Variants in SLC35F3 observed in about 807,000 individuals in gnomAD.
SLC35F3 encodes the protein putative thiamine transporter SLC35F3.
A neutral mutation model predicts 49.9 loss-of-function variants in SLC35F3; 25 were observed. That is an observed-to-expected ratio of 0.50 (90% confidence interval 0.37 to 0.70). The LOEUF is 0.70. Among genes scored for constraint, SLC35F3 ranks in the 30% least tolerant of loss-of-function variants. The pLI is 0.00. For missense variants in SLC35F3, 525 were observed against 639.8 expected, an observed-to-expected ratio of 0.82 and a Z score of 1.94; for synonymous variants, 275 against 265.4, an observed-to-expected ratio of 1.04 and a Z score of -0.35.
intron 2 of SLC35F3, among the ~76,000 whole-genome samples, chr1:234,173,662 G>A (rs1256710983): frequency 2.6e-5 from 4 of 152,208 alleles, no homozygotes; most frequent in African/African-American, 7.2e-5. Flanking sequence ...ATGTGGATTC[G>A]AATGCAAAAT....
chr1:234,058,328 ATT>A (rs56960667), intron 2 of SLC35F3, among the ~76,000 whole-genome samples: 26 of 39,782 alleles, frequency 6.5e-4, no homozygotes, highest in Non-Finnish European at 8.7e-4. Flanking sequence ...ATGTTCCTGA[ATT>A]TTTTTTTTTT....
At chr1:234,272,983 T>G (rs575439280) in intron 3 of SLC35F3, among the ~76,000 whole-genome samples, 87 of 152,346 alleles carry the variant, frequency 5.7e-4, no homozygotes, top group Non-Finnish European at 1.2e-4. Flanking sequence ...CTAATGAGGC[T>G]ACATGAACTG....
intron 2 of SLC35F3, among the ~76,000 whole-genome samples, chr1:234,103,529 A>G (rs947530505): frequency 7.9e-5 from 12 of 152,140 alleles, no homozygotes; most frequent in African/African-American, 2.2e-4. Flanking sequence ...GGCCACAGGT[A>G]TGGTACCACA....
chr1:234,166,372 C>T (rs1041432962), intron 2 of SLC35F3, among the ~76,000 whole-genome samples: 2 of 152,150 alleles, frequency 1.3e-5, no homozygotes, highest in African/African-American at 4.8e-5. Flanking sequence ...TGGTGTTGTA[C>T]GTTCTGTGAG....
At chr1:234,310,525 A>G (rs1657326740) in intron 4 of SLC35F3, among the ~76,000 whole-genome samples, 1 of 152,274 alleles carries the variant, frequency 6.6e-6, no homozygotes, top group South Asian at 2.1e-4. Context: ...AGCTTTCAGC[A>G]AATAAATGAT....
chr1:233,946,800 A>G (rs977367662), intron 2 of SLC35F3, among the ~76,000 whole-genome samples: 17 of 152,370 alleles, frequency 1.1e-4, no homozygotes, highest in Admixed American at 3.3e-4. Context: ...TAAATGGTGA[A>G]GATGACTGAG....
chr1:233,936,521 TC>T, intron 2 of SLC35F3, among the ~76,000 whole-genome samples: 3 of 147,088 alleles, frequency 2.0e-5, no homozygotes, highest in South Asian at 4.2e-4. Context: ...CTTGTTCTCC[TC>T]CTCCTCCTCC....
At position 234,112,384 on chromosome 1, in the gene SLC35F3, C is replaced by T. The variant is rs144054781; in HGVS notation, c.284-119033C>T. ...AAACAAAAAAATCTGTGCTTAGACA[C>T]ATACTTTCCCTATAACAATGCACAG... On this transcript the variant is annotated intron_variant, in intron 2 of 7. Coordinates refer to ENST00000366618, the MANE Select transcript of SLC35F3 (RefSeq NM_173508.4). Among the ~76,000 whole-genome samples the T allele has an allele frequency of 7.2e-5, 11 of 152,134 alleles. No homozygotes were observed. The East Asian group carries it at 1.6e-3, about 22-fold the overall frequency.
At chr1:233,905,249 G>T in intron 1 of SLC35F3, 119 bp downstream of exon 1, 1 of 1,103,716 alleles carries the variant, frequency 9.1e-7, no homozygotes, top group Non-Finnish European at 1.3e-6. Context: ...CGGCGCGCGC[G>T]GTGGAGCTGC....
intron 2 of SLC35F3, among the ~76,000 whole-genome samples, chr1:234,055,578 G>A (rs1299673271): frequency 6.6e-6 from 1 of 152,168 alleles, no homozygotes; most frequent in Admixed American, 6.5e-5. Context: ...GGCTAGGAAA[G>A]GGAATTCCTC....
intron 3 of SLC35F3, among the ~76,000 whole-genome samples, chr1:234,257,297 T>TA (rs1478816717): frequency 6.6e-6 from 1 of 152,220 alleles, no homozygotes; most frequent in African/African-American, 2.4e-5. Context: ...CATTCTCTTT[T>TA]AAACCCTCTT....
chr1:233,990,665 G>T (rs4364939), intron 2 of SLC35F3, among the ~76,000 whole-genome samples: 36,566 of 152,016 alleles, frequency 0.24, 4,836 homozygotes, highest in East Asian at 0.49. Context: ...ATGGATATGT[G>T]AATTGACTTG....
chr1:233,918,075 G>C (rs1020738883), intron 2 of SLC35F3, among the ~76,000 whole-genome samples: 1 of 152,204 alleles, frequency 6.6e-6, no homozygotes, highest in Non-Finnish European at 1.5e-5. Context: ...TTCCTGACTT[G>C]CTTGCTTCTG....
At chr1:234,240,992 T>G (rs553670061) in intron 3 of SLC35F3, among the ~76,000 whole-genome samples, 1 of 152,366 alleles carries the variant, frequency 6.6e-6, no homozygotes, top group East Asian at 1.9e-4. Context: ...TCCATTTGTC[T>G]AGAAAGCAAT....
intron 2 of SLC35F3, among the ~76,000 whole-genome samples, chr1:234,215,397 C>T (rs1667107019): frequency 6.6e-6 from 1 of 152,158 alleles, no homozygotes; most frequent in Non-Finnish European, 1.5e-5. Flanking sequence ...GGGCAGAGGG[C>T]CAGTCCCAGT....
chr1:234,240,913 G>A (rs1017322524), intron 3 of SLC35F3, among the ~76,000 whole-genome samples: 2 of 152,202 alleles, frequency 1.3e-5, no homozygotes, highest in Non-Finnish European at 1.5e-5. Context: ...GCAGAGAACT[G>A]ATGTGGAACT....
intron 4 of SLC35F3, among the ~76,000 whole-genome samples, chr1:234,310,238 C>G (rs1287687970): frequency 6.6e-6 from 1 of 152,202 alleles, no homozygotes; most frequent in African/African-American, 2.4e-5. Context: ...CTTTCCCCTT[C>G]AGCCACAAAG....
rs114514446 is a variant in SLC35F3 at position 234,112,186 on chromosome 1, T to G, written c.284-119231T>G. 4.9e-3 allele frequency among the ~76,000 whole-genome samples: 749 copies of G among 151,810 alleles called. 3 individuals carry two copies. The highest frequency in any genetic ancestry group is 0.016 in the African/African-American group (680 of 41,362). On this transcript the variant is annotated intron_variant, in intron 2 of 7. Transcript: ENST00000366618. The stretch of plus-strand genomic sequence containing the variant: ...CTTCGTCTTTACAAAAAAATAAAAA[T>G]AAAAAAGAAAATAAAGGAGCCAGGC...
chr1:233,958,966 G>A (rs925441387), intron 2 of SLC35F3, among the ~76,000 whole-genome samples: 1 of 152,060 alleles, frequency 6.6e-6, no homozygotes, highest in Non-Finnish European at 1.5e-5. Context: ...TTTTCTTTTG[G>A]AACTGTGTGT....
Sources: gnomAD v4.1 joint callset for allele counts (sites outside exome capture counted in the v4.1 genomes callset) on GRCh38, gnomAD v4.1.1 for gene constraint, MANE v1.5 for transcripts, NCBI Gene and HGNC (gene_info 2026-07-23, HGNC 2026-07-21) for gene names.